GSK3B: variants seen among roughly 807,000 people sequenced by gnomAD.
The protein encoded by GSK3B is glycogen synthase kinase-3 beta.
GSK3B carries 15 observed loss-of-function variants against 56.4 expected under a neutral mutation model. The observed-to-expected ratio is 0.27, with a 90% CI of 0.18 to 0.41. The LOEUF (loss-of-function observed/expected upper bound fraction) is 0.41, where lower values mean the gene tolerates loss of function less well. Among genes scored for constraint, GSK3B ranks in the 10% least tolerant of loss-of-function variants. The pLI, the probability that GSK3B is intolerant of heterozygous loss-of-function variation, is 1.00. For synonymous variants in GSK3B, 181 were observed against 188.9 expected (o/e 0.96, Z 0.34); for missense variants, 300 against 513.4 (o/e 0.58, Z 4.02).
chr3:119,870,272 C>G (rs149810170), intron 8 of GSK3B, among the ~76,000 whole-genome samples: 3 of 152,178 alleles, frequency 2.0e-5, no homozygotes, highest in African/African-American at 7.2e-5. Flanking sequence ...CATAGTATCT[C>G]ACATTATTCA....
intron 4 of GSK3B, among the ~76,000 whole-genome samples, chr3:119,916,496 T>C (rs902466701): frequency 1.3e-5 from 2 of 152,200 alleles, no homozygotes; most frequent in African/African-American, 4.8e-5. Flanking sequence ...TGGGCTTTTA[T>C]TTAAAACACA....
At chr3:119,917,735 T>C (rs1039776910) in intron 4 of GSK3B, among the ~76,000 whole-genome samples, 1 of 151,910 alleles carries the variant, frequency 6.6e-6, no homozygotes, top group African/African-American at 2.4e-5. Context: ...CTGTATTCTT[T>C]CATCTGAAAG....
intron 9 of GSK3B, 112 bp from the exon 10 acceptor site, chr3:119,843,465 G>A (rs538485754): frequency 8.5e-5 from 43 of 503,056 alleles, no homozygotes; most frequent in Middle Eastern, 5.8e-4. Flanking sequence ...AGTTTATGCC[G>A]GGCGCAGTGG....
intron 2 of GSK3B, among the ~76,000 whole-genome samples, chr3:119,966,242 G>C (rs2057317565): frequency 1.3e-5 from 2 of 152,174 alleles, no homozygotes; most frequent in Non-Finnish European, 2.9e-5. Flanking sequence ...AAGGTGAGGT[G>C]AAGTAGCTTA....
At chr3:119,827,579 C>A in intron 10 of GSK3B, among the ~76,000 whole-genome samples, 1 of 94,536 alleles carries the variant, frequency 1.1e-5, no homozygotes, top group African/African-American at 3.8e-5. Context: ...AGTAAGATAC[C>A]GTCTTTAAAA....
chr3:119,974,709 T>C (rs1559860148), intron 2 of GSK3B, among the ~76,000 whole-genome samples: 1 of 152,038 alleles, frequency 6.6e-6, no homozygotes, highest in Non-Finnish European at 1.5e-5. Flanking sequence ...GATGGGAAAA[T>C]AAAGCATATA....
At chr3:120,009,135 T>C (rs1436220040) in intron 1 of GSK3B, among the ~76,000 whole-genome samples, 1 of 152,200 alleles carries the variant, frequency 6.6e-6, no homozygotes, top group Non-Finnish European at 1.5e-5. Flanking sequence ...CACAATGAGA[T>C]ACCATCTCAT....
chr3:120,012,537 T>C lies in GSK3B; in HGVS notation c.89-10298A>G, dbSNP rs2057787717. The stretch of plus-strand genomic sequence containing the variant: ...ACATTGTACAAATTCCCTACATAAT[T>C]AAAACACAGCATTAAATCCCTACTC... On this transcript the variant is annotated intron_variant, in intron 1 of 10. Coordinates refer to ENST00000264235, the MANE Select transcript of GSK3B (RefSeq NM_001146156.2). Among the ~76,000 whole-genome samples the C allele has an allele frequency of 3.3e-5, 5 of 152,274 alleles. No individual in the cohort carries two copies. The South Asian group carries it at 1.0e-3, about 32-fold the overall frequency.
chr3:119,860,130 TA>T (rs2056081800), intron 9 of GSK3B, among the ~76,000 whole-genome samples: 1 of 152,200 alleles, frequency 6.6e-6, no homozygotes, highest in Admixed American at 6.5e-5. Flanking sequence ...GTGATAGAGT[TA>T]GGGGGAGACT....
Position 119,825,355 on chromosome 3 carries a change from A to G in GSK3B, c.*1433T>C, listed in dbSNP as rs542954663. 1.1e-3 allele frequency: 258 copies of G among 230,794 alleles called. No homozygotes were observed. The highest frequency in any genetic ancestry group is 1.9e-3 in the Non-Finnish European group (216 of 116,588). The allele number at this position is 230,794 out of a possible 1,614,324, so 14.3% of individuals were successfully genotyped here. A position where few individuals can be genotyped will look rare whatever the true frequency, so the allele number is the denominator to read the frequency against. On this transcript the variant is annotated 3_prime_UTR_variant, in exon 11 of 11. Transcript: ENST00000264235. ...AAGGAATATTGCTTTTTCTTCAAAA[A>G]GAGAGACTGATTCTTAACATCGTTC...
intron 2 of GSK3B, among the ~76,000 whole-genome samples, chr3:119,980,856 T>A (rs142385166): frequency 6.6e-6 from 1 of 152,174 alleles, no homozygotes; most frequent in South Asian, 2.1e-4. Context: ...AAGAATCTTA[T>A]ATGGTAAATT....
intron 9 of GSK3B, 135 bp downstream of exon 9, chr3:119,863,284 G>A (rs980165357): frequency 2.3e-5 from 16 of 700,762 alleles, no homozygotes; most frequent in East Asian, 1.5e-4. Flanking sequence ...AGTTAGAAAG[G>A]ATGCTCTTTT....
At chr3:119,846,720 T>C (rs143202436) in intron 9 of GSK3B, among the ~76,000 whole-genome samples, 4,700 of 152,244 alleles carry the variant, frequency 0.031, 231 homozygotes, top group African/African-American at 0.11. Context: ...TTGTGGAAGA[T>C]AGTGTGGCAA....
intron 1 of GSK3B, among the ~76,000 whole-genome samples, chr3:120,039,782 T>G (rs139405684): frequency 2.0e-5 from 3 of 152,350 alleles, no homozygotes; most frequent in African/African-American, 7.2e-5. Flanking sequence ...GTGCTCCCTG[T>G]GCTTTTGCCA....
rs182125168 is a variant in GSK3B at position 120,012,889 on chromosome 3, C to T, written c.89-10650G>A. ...GGAGAGACAGGGTCTCACTTTGTTG[C>T]CCAGGTTGGTCTCTAACTCCTGGCC... On this transcript the variant is annotated intron_variant, in intron 1 of 10. Transcript: ENST00000264235. Among the ~76,000 whole-genome samples, 3 of 152,048 alleles carry T rather than the reference C, an allele frequency of 2.0e-5. No individual in the cohort carries two copies. In the East Asian group the frequency reaches 5.8e-4, roughly 29 times the overall value.
Position 119,826,718 on chromosome 3 carries a change from T to G in GSK3B, c.*70A>C. The G allele has an allele frequency of 1.1e-6, 1 of 925,012 alleles. No individual in the cohort carries two copies. The highest frequency in any genetic ancestry group is 1.8e-6 in the Non-Finnish European group (1 of 550,154). The allele number at this position is 925,012 out of a possible 1,614,324, so 57.3% of individuals were successfully genotyped here. A position where few individuals can be genotyped will look rare whatever the true frequency, so the allele number is the denominator to read the frequency against. The stretch of plus-strand genomic sequence containing the variant: ...CTCTTTTTAATATTCTTTCCAAACG[T>G]GACCAGTGTTGCTGAGTGACACTCA... On this transcript the variant is annotated 3_prime_UTR_variant, in exon 11 of 11. Coordinates refer to ENST00000264235, the MANE Select transcript of GSK3B (RefSeq NM_001146156.2).
intron 7 of GSK3B, among the ~76,000 whole-genome samples, chr3:119,883,107 G>T (rs527619830): frequency 1.3e-5 from 2 of 152,264 alleles, no homozygotes; most frequent in Admixed American, 6.5e-5. Flanking sequence ...GGGAAACAGA[G>T]ATCCTAACAT....
intron 3 of GSK3B, among the ~76,000 whole-genome samples, chr3:119,944,422 A>T (rs1053614994): frequency 5.3e-5 from 8 of 152,180 alleles, no homozygotes; most frequent in African/African-American, 1.9e-4. Context: ...TTCTTCATGC[A>T]GGGTTCTTTT....
chr3:119,929,168 A>C (rs34759275), intron 3 of GSK3B, among the ~76,000 whole-genome samples: 17 of 152,178 alleles, frequency 1.1e-4, no homozygotes, highest in Non-Finnish European at 2.1e-4. Flanking sequence ...CAATATTCAG[A>C]AACAATCAGT....
Sources: gnomAD v4.1 joint callset for allele counts (sites outside exome capture counted in the v4.1 genomes callset) on GRCh38, gnomAD v4.1.1 for gene constraint, MANE v1.5 for transcripts, NCBI Gene and HGNC (gene_info 2026-07-23, HGNC 2026-07-21) for gene names.